Variants in PPP3CB observed in about 807,000 individuals in gnomAD.
PPP3CB encodes the protein protein phosphatase 3 catalytic subunit beta, also known as serine/threonine-protein phosphatase 2B catalytic subunit beta isoform.
In PPP3CB, 8 loss-of-function variants were observed where a neutral mutation model predicts 66.4. The ratio of observed to expected loss-of-function variants is 0.12; its 90% CI spans 0.07 to 0.22. The LOEUF is 0.22. Among genes scored for constraint, PPP3CB ranks in the 10% least tolerant of loss-of-function variants. The pLI is 1.00. For missense variants in PPP3CB, 319 were observed against 642.5 expected, an observed-to-expected ratio of 0.50 and a Z score of 5.44; for synonymous variants, 208 against 221.2, an observed-to-expected ratio of 0.94 and a Z score of 0.53.
intron 9 of PPP3CB, among the ~76,000 whole-genome samples, chr10:73,460,737 G>A (rs892501258): frequency 1.3e-5 from 2 of 152,206 alleles, no homozygotes; most frequent in African/African-American, 2.4e-5. Flanking sequence ...GGTCAGGGAG[G>A]AGCCCATTGA....
intron 12 of PPP3CB, chr10:73,444,002 G>A (rs1190905821): frequency 6.6e-6 from 1 of 152,330 alleles, no homozygotes; most frequent in African/African-American, 2.4e-5. Context: ...TTGCAAGACA[G>A]ACAAGTGTCT....
Position 73,439,853 on chromosome 10 carries a change from A to C in PPP3CB, c.1396+19T>G, listed in dbSNP as rs1564545567. ...CACACACCACAGATCTCTGCCCAGC[A>C]CAAGGACTCTGATCATACCTTTTTC... On this transcript the variant is annotated intron_variant, in intron 13 of 13. Coordinates refer to ENST00000360663, the MANE Select transcript of PPP3CB (RefSeq NM_021132.4). 12 of 1,611,982 alleles carry C rather than the reference A, an allele frequency of 7.4e-6. No homozygotes were observed. Among genetic ancestry groups the C allele is most frequent in the Non-Finnish European group, 1.0e-5 (12 of 1,178,114 alleles).
chr10:73,438,809 G>A (rs1419659901), intron 13 of PPP3CB, among the ~76,000 whole-genome samples: 3 of 152,170 alleles, frequency 2.0e-5, no homozygotes, highest in Non-Finnish European at 4.4e-5. Flanking sequence ...AGGCAGCAAT[G>A]AGAGTAGGGG....
At chr10:73,468,903 AAGAG>A (rs777971192) in intron 8 of PPP3CB, among the ~76,000 whole-genome samples, 1 of 152,256 alleles carries the variant, frequency 6.6e-6, no homozygotes, top group Non-Finnish European at 1.5e-5. Flanking sequence ...TAAGGGATAA[AAGAG>A]AGAAAAATCT....
intron 1 of PPP3CB, among the ~76,000 whole-genome samples, chr10:73,487,407 G>T (rs1193918849): frequency 6.6e-6 from 1 of 151,648 alleles, no homozygotes; most frequent in Non-Finnish European, 1.5e-5. Flanking sequence ...AATTAGCGGG[G>T]CGTGGTGGCA....
intron 9 of PPP3CB, among the ~76,000 whole-genome samples, chr10:73,459,669 G>A (rs1445336352): frequency 6.6e-6 from 1 of 152,200 alleles, no homozygotes; most frequent in African/African-American, 2.4e-5. Context: ...CTACACCACA[G>A]ATAAACCTTG....
At chr10:73,486,196 G>A (rs1227396822) in intron 1 of PPP3CB, among the ~76,000 whole-genome samples, 8 of 151,232 alleles carry the variant, frequency 5.3e-5, no homozygotes, top group Non-Finnish European at 7.4e-5. Context: ...CGCCTGCCTC[G>A]GCCTTCCAAA....
chr10:73,473,137 T>C (rs1297735587), intron 4 of PPP3CB, among the ~76,000 whole-genome samples: 1 of 152,212 alleles, frequency 6.6e-6, no homozygotes, highest in Non-Finnish European at 1.5e-5. Context: ...AAGCATGCAC[T>C]TTCCAGGTCT....
At chr10:73,495,449 G>A in intron 1 of PPP3CB, 1 of 165,424 alleles carries the variant, frequency 6.0e-6, no homozygotes, top group Non-Finnish European at 1.3e-5. Context: ...GTTCGCCCCG[G>A]CAAGCCAGAA....
At chr10:73,473,297 T>C in intron 4 of PPP3CB, among the ~76,000 whole-genome samples, 1 of 152,232 alleles carries the variant, frequency 6.6e-6, no homozygotes. Context: ...CTCAAAACGT[T>C]GAAATTATTT....
intron 3 of PPP3CB, among the ~76,000 whole-genome samples, chr10:73,476,390 GCA>G (rs1215229589): frequency 5.9e-5 from 9 of 152,126 alleles, no homozygotes. Context: ...GCCGAGGCAG[GCA>G]GATCACCTGA....
chr10:73,439,367 C>T (rs764590414), intron 13 of PPP3CB, among the ~76,000 whole-genome samples: 16 of 151,780 alleles, frequency 1.1e-4, no homozygotes, highest in Non-Finnish European at 1.9e-4. Flanking sequence ...GCCCAAACTG[C>T]GGCCAAAAAA....
rs2057101237 is a variant in PPP3CB, at chr10:73,492,903, CCCTTAA to C, written c.85+2896_85+2901del. 3.3e-5 allele frequency among the ~76,000 whole-genome samples: 5 copies of C among 152,146 alleles called. 1 individual carries two copies. The South Asian group carries it at 8.3e-4, about 25-fold the overall frequency. On this transcript the variant is annotated intron_variant, in intron 1 of 13. Coordinates refer to ENST00000360663, the MANE Select transcript of PPP3CB (RefSeq NM_021132.4). ...TCTTAAACACAGAAAGACCTATACA[CCCTTAA>C]AAACCTACATGACCATAAAATGTAG...
At chr10:73,466,739 C>T (rs2056622922) in intron 9 of PPP3CB, among the ~76,000 whole-genome samples, 3 of 152,034 alleles carry the variant, frequency 2.0e-5, no homozygotes, top group Admixed American at 2.0e-4. Flanking sequence ...GTATCTCATA[C>T]AGAAAGGAAC....
Position 73,438,208 on chromosome 10 carries a change from G to A in PPP3CB, c.*34C>T, listed in dbSNP as rs759767509. 2 of 1,595,730 alleles carry A rather than the reference G, an allele frequency of 1.3e-6. No homozygotes were observed. The highest frequency in any genetic ancestry group is 2.2e-5 in the South Asian group (2 of 90,102). On this transcript the variant is annotated 3_prime_UTR_variant, in exon 14 of 14. Transcript: ENST00000360663. ...TCCTCGGGTGATCTGTCCATTTGGG[G>A]CCCGAGATGTGAGAGTCCCTGGGAA...
At chr10:73,466,132 C>T (rs1251473897) in intron 9 of PPP3CB, among the ~76,000 whole-genome samples, 1 of 152,194 alleles carries the variant, frequency 6.6e-6, no homozygotes, top group Non-Finnish European at 1.5e-5. Context: ...CTTAAATTAT[C>T]TCATCTCTCA....
chr10:73,492,126 T>C (rs772123377), intron 1 of PPP3CB, among the ~76,000 whole-genome samples: 1 of 152,136 alleles, frequency 6.6e-6, no homozygotes, highest in Non-Finnish European at 1.5e-5. Context: ...AGAAATACTT[T>C]AGCTTAAAAA....
chr10:73,449,502 AG>A (rs1564550071), intron 10 of PPP3CB, among the ~76,000 whole-genome samples: 4 of 152,174 alleles, frequency 2.6e-5, no homozygotes, highest in Non-Finnish European at 5.9e-5. Flanking sequence ...ATTCCTTTAT[AG>A]GAAATGTATT....
At chr10:73,468,090 T>G (rs566893732) in intron 8 of PPP3CB, among the ~76,000 whole-genome samples, 1 of 152,282 alleles carries the variant, frequency 6.6e-6, no homozygotes, top group Non-Finnish European at 1.5e-5. Context: ...TCTTTCTAGC[T>G]TCAGGCAACC....
Sources: gnomAD v4.1 joint callset for allele counts (sites outside exome capture counted in the v4.1 genomes callset) on GRCh38, gnomAD v4.1.1 for gene constraint, MANE v1.5 for transcripts, NCBI Gene and HGNC (gene_info 2026-07-23, HGNC 2026-07-21) for gene names.